Variants in MAF observed in about 807,000 individuals in gnomAD.
The protein encoded by MAF is MAF bZIP transcription factor.
Under a neutral mutation model 22.0 loss-of-function variants are expected in MAF, and 10 were observed. That is an observed-to-expected ratio of 0.45 (90% CI 0.28 to 0.77). The LOEUF is 0.77. MAF is among the 30% of genes least tolerant of loss of function. The probability of loss-of-function intolerance (pLI) is 0.12; values close to 1 mark genes in which losing one functional copy is unlikely to be tolerated. For synonymous variants in MAF, 337 were observed against 255.8 expected (o/e 1.32, Z -3.03); for missense variants, 544 against 548.4 (o/e 0.99, Z 0.08).
chr16:79,571,240 G>A, the MAF span, among the ~76,000 whole-genome samples: 155 of 152,222 alleles, frequency 1.0e-3, 1 homozygote, highest in African/African-American at 3.3e-3. Flanking sequence ...GGGGATGAGC[G>A]GGAGGGAGGA....
chr16:79,262,165 A>C, the MAF span, among the ~76,000 whole-genome samples: 1 of 152,162 alleles, frequency 6.6e-6, no homozygotes, highest in Non-Finnish European at 1.5e-5. Context: ...GGTCATTGCC[A>C]CGACAACTGT....
downstream of MAF, among the ~76,000 whole-genome samples, chr16:79,584,304 A>C (rs1418892221): frequency 6.6e-6 from 1 of 152,204 alleles, no homozygotes; most frequent in Non-Finnish European, 1.5e-5. Context: ...TCTGAAAATA[A>C]ACTAAGTAAC....
the MAF span, among the ~76,000 whole-genome samples, chr16:79,474,470 C>T: frequency 2.0e-5 from 3 of 152,070 alleles, no homozygotes; most frequent in Non-Finnish European, 4.4e-5. Flanking sequence ...TGTTAAAATC[C>T]GAGGCAAGGG....
chr16:79,260,660 T>C, the MAF span, among the ~76,000 whole-genome samples: 2 of 152,222 alleles, frequency 1.3e-5, no homozygotes, highest in African/African-American at 2.4e-5. Context: ...ATCTTCGGCA[T>C]TGACCAGTGA....
the MAF span, among the ~76,000 whole-genome samples, chr16:79,449,392 T>G: frequency 6.6e-6 from 1 of 152,206 alleles, no homozygotes; most frequent in Non-Finnish European, 1.5e-5. Context: ...GTGACTCACT[T>G]AATTACTGTA....
chr16:79,245,081 G>T, the MAF span, among the ~76,000 whole-genome samples: 2 of 151,934 alleles, frequency 1.3e-5, no homozygotes, highest in Admixed American at 1.3e-4. Context: ...TTGAATTAAA[G>T]ACTTAAATGT....
the MAF span, among the ~76,000 whole-genome samples, chr16:79,286,849 C>T: frequency 6.6e-6 from 1 of 152,206 alleles, no homozygotes; most frequent in Non-Finnish European, 1.5e-5. Context: ...GACACAACTG[C>T]ACAAATGCAC....
chr16:79,235,186 G>T, the MAF span, among the ~76,000 whole-genome samples: 1 of 152,024 alleles, frequency 6.6e-6, no homozygotes, highest in Non-Finnish European at 1.5e-5. Context: ...ACTTTGAGAT[G>T]CTCTGGGGAC....
the MAF span, among the ~76,000 whole-genome samples, chr16:79,556,367 C>G: frequency 6.6e-6 from 1 of 152,168 alleles, no homozygotes; most frequent in African/African-American, 2.4e-5. Context: ...CAAGGCATAC[C>G]CTGAAAGTCC....
chr16:79,362,932 G>A, the MAF span, among the ~76,000 whole-genome samples: 1 of 152,102 alleles, frequency 6.6e-6, no homozygotes, highest in African/African-American at 2.4e-5. Flanking sequence ...ATGATTCCCT[G>A]CATTAAGCTT....
chr16:79,354,717 C>T, the MAF span, among the ~76,000 whole-genome samples: 3 of 152,202 alleles, frequency 2.0e-5, no homozygotes, highest in African/African-American at 7.2e-5. Context: ...AACAGTTCTC[C>T]TTAGGTGTAA....
the MAF span, among the ~76,000 whole-genome samples, chr16:79,208,220 C>T: frequency 3.9e-5 from 6 of 152,302 alleles, no homozygotes; most frequent in South Asian, 8.3e-4. Context: ...AAATGGCATT[C>T]GGGCATGATT....
chr16:79,577,218 T>C, the MAF span, among the ~76,000 whole-genome samples: 1 of 152,122 alleles, frequency 6.6e-6, no homozygotes, highest in African/African-American at 2.4e-5. Context: ...TCACATTATA[T>C]GCATTTTCTT....
the MAF span, among the ~76,000 whole-genome samples, chr16:79,400,728 G>A: frequency 1.3e-5 from 2 of 152,256 alleles, no homozygotes; most frequent in Non-Finnish European, 2.9e-5. Context: ...ATTTGATAGA[G>A]ACCCTATACC....
the MAF span, among the ~76,000 whole-genome samples, chr16:79,578,282 G>C: frequency 6.6e-6 from 1 of 151,866 alleles, no homozygotes; most frequent in African/African-American, 2.4e-5. Flanking sequence ...GTATGCTTTG[G>C]GGTGAGTTTT....
At chr16:79,500,825 T>G in the MAF span, among the ~76,000 whole-genome samples, 1 of 152,192 alleles carries the variant, frequency 6.6e-6, no homozygotes, top group Non-Finnish European at 1.5e-5. Context: ...TCTCACTTAC[T>G]GGATGAGACA....
the MAF span, among the ~76,000 whole-genome samples, chr16:79,522,293 C>T: frequency 6.6e-6 from 1 of 152,212 alleles, no homozygotes; most frequent in Non-Finnish European, 1.5e-5. Flanking sequence ...TCTCTTTTTA[C>T]ATGAGTCTTC....
At chr16:79,326,576 G>T in the MAF span, among the ~76,000 whole-genome samples, 2 of 152,178 alleles carry the variant, frequency 1.3e-5, no homozygotes, top group Non-Finnish European at 2.9e-5. Flanking sequence ...CTAGGGCAGG[G>T]CTTGGAAAAC....
the MAF span, among the ~76,000 whole-genome samples, chr16:79,434,684 T>C: frequency 6.6e-6 from 1 of 151,888 alleles, no homozygotes; most frequent in East Asian, 1.9e-4. Flanking sequence ...ATAAATTATA[T>C]ACAGTTTTAA....
Sources: allele counts gnomAD v4.1 joint callset (sites outside exome capture counted in the v4.1 genomes callset), GRCh38; gene constraint gnomAD v4.1.1; transcripts MANE v1.5; gene names NCBI Gene and HGNC (gene_info 2026-07-23, HGNC 2026-07-21).